WDR70: variants seen among roughly 807,000 people sequenced by gnomAD.
WDR70 encodes the protein WD repeat domain 70.
In WDR70, 53 loss-of-function variants were observed where a neutral mutation model predicts 88.6. The ratio of observed to expected loss-of-function variants is 0.60; its 90% CI spans 0.48 to 0.75. The LOEUF is 0.75. Ranked by LOEUF, WDR70 falls within the 30% of genes least tolerant of loss-of-function variation. The pLI, the probability that WDR70 is intolerant of heterozygous loss-of-function variation, is 0.00. For synonymous variants in WDR70, 280 were observed against 270.0 expected (o/e 1.04, Z -0.36); for missense variants, 610 against 823.2 (o/e 0.74, Z 3.17).
intron 9 of WDR70, among the ~76,000 whole-genome samples, chr5:37,577,180 T>TA (rs1206295061): frequency 6.6e-6 from 1 of 152,236 alleles, no homozygotes; most frequent in Non-Finnish European, 1.5e-5. Flanking sequence ...GAAGTATAGT[T>TA]ATAGTTTACA....
intron 9 of WDR70, among the ~76,000 whole-genome samples, chr5:37,558,852 C>T (rs573022404): frequency 6.6e-6 from 1 of 151,880 alleles, no homozygotes; most frequent in African/African-American, 2.4e-5. Context: ...CCCATCCTTA[C>T]CTCTTTCCCA....
chr5:37,545,216 T>C (rs1409404478), intron 9 of WDR70, among the ~76,000 whole-genome samples: 3 of 152,172 alleles, frequency 2.0e-5, no homozygotes, highest in Non-Finnish European at 4.4e-5. Context: ...ATGACAATTC[T>C]GTAGAAATAC....
At chr5:37,411,943 A>C (rs955251119) in intron 5 of WDR70, among the ~76,000 whole-genome samples, 5 of 151,908 alleles carry the variant, frequency 3.3e-5, no homozygotes, top group African/African-American at 9.7e-5. Flanking sequence ...CTTTTTGATA[A>C]ACTTTTTTTT....
intron 7 of WDR70, 135 bp downstream of exon 7, chr5:37,443,507 C>A (rs1276943164): frequency 1.0e-6 from 1 of 960,442 alleles, no homozygotes; most frequent in African/African-American, 1.7e-5. Flanking sequence ...TGTATACGGC[C>A]TTCATAATTT....
At chr5:37,544,006 A>G (rs764667296) in intron 9 of WDR70, among the ~76,000 whole-genome samples, 83 of 152,278 alleles carry the variant, frequency 5.5e-4, no homozygotes, top group Non-Finnish European at 9.0e-4. Flanking sequence ...TCCTGACGTC[A>G]AGGGATCCAC....
At chr5:37,562,980 G>A (rs1002221287) in intron 9 of WDR70, among the ~76,000 whole-genome samples, 1 of 147,106 alleles carries the variant, frequency 6.8e-6, no homozygotes, top group Non-Finnish European at 1.5e-5. Flanking sequence ...CCCAGACGGG[G>A]TGGTGGCCGG....
chr5:37,585,325 A>G (rs948251663), intron 9 of WDR70, among the ~76,000 whole-genome samples: 5 of 151,986 alleles, frequency 3.3e-5, no homozygotes, highest in African/African-American at 9.7e-5. Context: ...TCCACATACA[A>G]TTTTTTATCT....
rs76862043 is a variant in WDR70 at position 37,396,380 on chromosome 5, C to T, written c.302C>T (p.Thr101Met). Residue 101 changes from threonine (T) to methionine (M), a missense_variant, in exon 5 of 18, where the codon ACG becomes ATG. Physicochemically the swap from Thr to Met is moderately conservative, Grantham distance 81. Coordinates refer to ENST00000265107, the MANE Select transcript of WDR70 (RefSeq NM_018034.4). ...RDCSKSSSRD[T>M]SSSESEQSSD... The stretch of plus-strand genomic sequence containing the variant: ...TTCTGTTTCTGTATTTTCAGGGATA[C>T]GAGCAGCAGTGAAAGTGAACAGAGT... 48 of 1,603,252 alleles carry T rather than the reference C, an allele frequency of 3.0e-5. No individual in the cohort carries two copies. The highest frequency in any genetic ancestry group is 1.6e-4 in the African/African-American group (12 of 74,574).
intron 9 of WDR70, among the ~76,000 whole-genome samples, chr5:37,539,386 AGACAAAGACACCAGG>A (rs1170098308): frequency 1.3e-5 from 2 of 152,186 alleles, no homozygotes; most frequent in Non-Finnish European, 2.9e-5. Context: ...CCTTATAAGA[AGACAAAGACACCAGG>A]GATGCACAGC....
rs535848131 is a variant in WDR70 at position 37,720,971 on chromosome 5, A to G, written c.1417-144A>G. ...AATTTTACTTCAGGAACACAACTTTATGGTTTAAAAGAAAATGTCTGAAAG... is the reference window on the plus strand; with the variant it reads ...AATTTTACTTCAGGAACACAACTTTGTGGTTTAAAAGAAAATGTCTGAAAG... On this transcript the variant is annotated intron_variant, in intron 13 of 17. Transcript: ENST00000265107. The G allele has an allele frequency of 4.5e-4, 308 of 679,870 alleles. No homozygotes were observed. The African/African-American group carries it at 4.9e-3, about 11-fold the overall frequency. 42.1% of individuals were successfully genotyped at this position (679,870 alleles called of 1,614,324 possible). A position where few individuals can be genotyped will look rare whatever the true frequency, so the allele number is the denominator to read the frequency against.
intron 10 of WDR70, among the ~76,000 whole-genome samples, chr5:37,654,179 T>C (rs987433377): frequency 1.3e-5 from 2 of 152,228 alleles, no homozygotes; most frequent in Non-Finnish European, 2.9e-5. Flanking sequence ...ACTTATTTAT[T>C]TCTGCTTTCA....
At position 37,413,548 on chromosome 5, in the gene WDR70, C is replaced by T. The variant is rs199549105; in HGVS notation, c.492+16978C>T. ...CCATCCTGGCGAATATGGTGAATCCCTGTCTCTACTAAAAATAGAAAAATT... is the reference window on the plus strand; with the variant it reads ...CCATCCTGGCGAATATGGTGAATCCTTGTCTCTACTAAAAATAGAAAAATT... On this transcript the variant is annotated intron_variant, in intron 5 of 17. Coordinates refer to ENST00000265107, the MANE Select transcript of WDR70 (RefSeq NM_018034.4). 6.6e-5 allele frequency among the ~76,000 whole-genome samples: 10 copies of T among 151,928 alleles called. No individual in the cohort carries two copies. In the East Asian group the frequency reaches 7.8e-4, roughly 12 times the overall value.
At chr5:37,559,261 C>T (rs968637555) in intron 9 of WDR70, among the ~76,000 whole-genome samples, 2 of 152,120 alleles carry the variant, frequency 1.3e-5, no homozygotes, top group Non-Finnish European at 1.5e-5. Flanking sequence ...CTACACTATC[C>T]TCATCACTAA....
chr5:37,565,055 CTT>C (rs1189153257), intron 9 of WDR70, among the ~76,000 whole-genome samples: 2 of 152,114 alleles, frequency 1.3e-5, no homozygotes, highest in African/African-American at 4.8e-5. Context: ...TTATAATAAA[CTT>C]AACCACTTTA....
chr5:37,466,735 A>AT (rs1561862982), intron 7 of WDR70, among the ~76,000 whole-genome samples: 1 of 131,944 alleles, frequency 7.6e-6, no homozygotes, highest in African/African-American at 2.7e-5. Flanking sequence ...AAAAAAAAAA[A>AT]ATTTAAGTTC....
intron 7 of WDR70, among the ~76,000 whole-genome samples, chr5:37,450,721 A>G (rs1229433868): frequency 6.6e-6 from 1 of 152,216 alleles, no homozygotes; most frequent in Non-Finnish European, 1.5e-5. Context: ...GTCATTTATA[A>G]GAAAACACTT....
chr5:37,715,368 A>T (rs183414972), intron 13 of WDR70, among the ~76,000 whole-genome samples: 9 of 151,288 alleles, frequency 5.9e-5, no homozygotes, highest in Non-Finnish European at 1.2e-4. Flanking sequence ...GACAGTTGCC[A>T]CAAGTCTGGC....
chr5:37,719,396 T>C (rs1197581631), intron 13 of WDR70, among the ~76,000 whole-genome samples: 1 of 149,856 alleles, frequency 6.7e-6, no homozygotes, highest in Non-Finnish European at 1.5e-5. Context: ...ATATATCTTA[T>C]TTTTTCAAGT....
chr5:37,441,679 G>A (rs1398752568), intron 6 of WDR70, among the ~76,000 whole-genome samples: 1 of 151,992 alleles, frequency 6.6e-6, no homozygotes, highest in East Asian at 1.9e-4. Flanking sequence ...TAAGCTGGGC[G>A]TGGTGCTACG....
Sources: gnomAD v4.1 joint callset for allele counts (sites outside exome capture counted in the v4.1 genomes callset) on GRCh38, gnomAD v4.1.1 for gene constraint, MANE v1.5 for transcripts, NCBI Gene and HGNC (gene_info 2026-07-23, HGNC 2026-07-21) for gene names.